The following NPC1 variants were observed in gnomAD, a reference collection of about 807,000 sequenced individuals.
NPC1 encodes the protein NPC intracellular cholesterol transporter 1.
In NPC1, 85 loss-of-function variants were observed where a neutral mutation model predicts 140.4. The ratio of observed to expected loss-of-function variants is 0.61; its 90% confidence interval spans 0.51 to 0.72. The LOEUF is 0.72. Among genes scored for constraint, NPC1 ranks in the 30% least tolerant of loss-of-function variants. The pLI is 0.00. For missense variants in NPC1, 1,504 were observed against 1,623.8 expected (o/e 0.93, Z 1.27); for synonymous variants, 656 against 624.8 (o/e 1.05, Z -0.74).
In NPC1 at chr18:23,531,995, C is replaced by T. The variant is rs2058526234; in HGVS notation, c.*207G>A. 6.8e-7 allele frequency: 1 copy of T among 1,475,464 alleles called. No homozygotes were observed. Among genetic ancestry groups the T allele is most frequent in the South Asian group, 1.4e-5 (1 of 71,960 alleles). The allele number at this position is 1,475,464 out of a possible 1,614,324, so 91.4% of individuals were successfully genotyped here. A position where few individuals can be genotyped will look rare whatever the true frequency, so the allele number is the denominator to read the frequency against. ...GAAGAGGCTGGGAGAAGTTTAGTGTCCTGTGGTTGCCTCCAGATCTAGTAA... is the reference window on the plus strand; with the variant it reads ...GAAGAGGCTGGGAGAAGTTTAGTGTTCTGTGGTTGCCTCCAGATCTAGTAA... On this transcript the variant is annotated 3_prime_UTR_variant, in exon 25 of 25. Coordinates refer to ENST00000269228, the MANE Select transcript of NPC1 (RefSeq NM_000271.5).
At chr18:23,538,172 C>T (rs1035072215) in intron 20 of NPC1, among the ~76,000 whole-genome samples, 2 of 152,128 alleles carry the variant, frequency 1.3e-5, no homozygotes, top group African/African-American at 2.4e-5. Flanking sequence ...GCTAAGATCA[C>T]GCCCCAGCTG....
chr18:23,564,937 CTTT>C (rs1387483265), intron 4 of NPC1, among the ~76,000 whole-genome samples: 1 of 152,120 alleles, frequency 6.6e-6, no homozygotes, highest in Admixed American at 6.5e-5. Flanking sequence ...GAAGAGTATT[CTTT>C]TCTCATTGAA....
intron 4 of NPC1, 27 bp from the exon 5 acceptor site, chr18:23,561,554 G>A (rs768990017): frequency 1.2e-6 from 2 of 1,612,264 alleles, no homozygotes; most frequent in Admixed American, 3.3e-5. Context: ...AAAGGAAAAA[G>A]GAGACAAGAT....
At chr18:23,582,106 T>G (rs1322377906) in intron 1 of NPC1, 1 of 152,216 alleles carries the variant, frequency 6.6e-6, no homozygotes, top group East Asian at 1.9e-4. Flanking sequence ...GATAACACAC[T>G]ACCTTAGGAC....
chr18:23,569,201 GC>G (rs1231827547), intron 3 of NPC1, among the ~76,000 whole-genome samples: 2 of 152,282 alleles, frequency 1.3e-5, no homozygotes, highest in East Asian at 3.9e-4. Flanking sequence ...ATTACTTTCT[GC>G]ATTTATTGTG....
chr18:23,572,247 G>T, intron 2 of NPC1, 67 bp from the exon 3 acceptor site: 2 of 1,007,912 alleles, frequency 2.0e-6, no homozygotes, highest in South Asian at 2.6e-5. Flanking sequence ...ATTCCTCAGT[G>T]AACTAAGACA....
downstream of NPC1, chr18:23,530,577 AC>A: frequency 6.2e-7 from 1 of 1,614,100 alleles, no homozygotes; most frequent in Non-Finnish European, 8.5e-7. Context: ...GAACAGCGAA[AC>A]CAGCGTTTGC....
In NPC1 at chr18:23,566,592, AT is replaced by A. The variant is rs200890623; in HGVS notation, c.463+2230del. On this transcript the variant is annotated intron_variant, in intron 4 of 24. Coordinates refer to ENST00000269228, the MANE Select transcript of NPC1 (RefSeq NM_000271.5). Reference sequence around the variant, plus strand: ...AGGCCCGTCTCTTCCAAAAAATAAAATACTTACACACACACACACACTCTAT... The same window carrying A: ...AGGCCCGTCTCTTCCAAAAAATAAAAACTTACACACACACACACACTCTAT... Among the ~76,000 whole-genome samples, 407 of 150,520 alleles carry A rather than the reference AT, an allele frequency of 2.7e-3. 3 individuals are homozygous for A. The highest frequency in any genetic ancestry group is 4.6e-3 in the Non-Finnish European group (310 of 67,448).
chr18:23,543,788 G>A (rs990870538), intron 13 of NPC1, among the ~76,000 whole-genome samples: 3 of 152,096 alleles, frequency 2.0e-5, no homozygotes, highest in Non-Finnish European at 4.4e-5. Context: ...GGAAAGCTGA[G>A]CCAGCCACAT....
At position 23,516,529 on chromosome 18, in the gene NPC1, C is replaced by T. The variant is rs2058010167; in HGVS notation, c.432-9887G>A. On this transcript the variant is annotated intron_variant, in intron 3 of 3. Coordinates refer to the NPC1 transcript ENST00000591107. Reference sequence around the variant, plus strand: ...ACGTGATGCCCTGACCCCTAGAACACATAAGGAGGACTCCCCTTGTTCTGG... The same window carrying T: ...ACGTGATGCCCTGACCCCTAGAACATATAAGGAGGACTCCCCTTGTTCTGG... The T allele has an allele frequency of 3.6e-6, 4 of 1,125,892 alleles. No homozygotes were observed. In the Admixed American group the frequency reaches 5.9e-5, roughly 17 times the overall value. The allele number at this position is 1,125,892 out of a possible 1,614,324, so 69.7% of individuals were successfully genotyped here. A position where few individuals can be genotyped will look rare whatever the true frequency, so the allele number is the denominator to read the frequency against.
intron 20 of NPC1, among the ~76,000 whole-genome samples, chr18:23,537,464 T>C (rs2058649093): frequency 6.6e-6 from 1 of 152,156 alleles, no homozygotes; most frequent in Non-Finnish European, 1.5e-5. Flanking sequence ...AGGTACAGGG[T>C]TTACTCAGTC....
chr18:23,507,791 C>T (rs989006205), intron 3 of NPC1, among the ~76,000 whole-genome samples: 2 of 152,172 alleles, frequency 1.3e-5, no homozygotes, highest in Non-Finnish European at 2.9e-5. Flanking sequence ...AAAATTGAAT[C>T]GTAAGCCTGC....
intron 5 of NPC1, 68 bp from the exon 6 acceptor site, chr18:23,560,548 A>C: frequency 6.6e-7 from 1 of 1,525,320 alleles, no homozygotes; most frequent in Non-Finnish European, 9.0e-7. Context: ...ATTATACTTA[A>C]ACTCAAAGAA....
intron 6 of NPC1, 93 bp from the exon 7 acceptor site, chr18:23,557,283 TC>T: frequency 1.1e-6 from 1 of 941,344 alleles, no homozygotes; most frequent in Non-Finnish European, 1.7e-6. Flanking sequence ...AATGCTTTCT[TC>T]CTCCTCCTGG....
At position 23,531,902 on chromosome 18, in the gene NPC1, G is replaced by A. The variant is rs2058523908; in HGVS notation, c.*300C>T. 2 of 1,442,614 alleles carry A rather than the reference G, an allele frequency of 1.4e-6. No homozygotes were observed. The highest frequency in any genetic ancestry group is 2.9e-5 in the African/African-American group (2 of 69,536). The allele number at this position is 1,442,614 out of a possible 1,614,324, so 89.4% of individuals were successfully genotyped here. ...ATTGATTGGCCTTTACAGAGTGTCAGTGAGCGGATCACATTCACAGCCATC... is the reference window on the plus strand; with the variant it reads ...ATTGATTGGCCTTTACAGAGTGTCAATGAGCGGATCACATTCACAGCCATC... On this transcript the variant is annotated 3_prime_UTR_variant, in exon 25 of 25. Coordinates refer to ENST00000269228, the MANE Select transcript of NPC1 (RefSeq NM_000271.5).
At chr18:23,556,807 T>C (rs2058960070) in intron 7 of NPC1, 194 bp from the exon 8 acceptor site, 1 of 827,856 alleles carries the variant, frequency 1.2e-6, no homozygotes, top group Admixed American at 2.1e-5. Flanking sequence ...ATGAGCGCTA[T>C]TCCCACCCCA....
intron 1 of NPC1, among the ~76,000 whole-genome samples, chr18:23,580,851 T>C (rs1056508774): frequency 1.3e-5 from 2 of 152,208 alleles, no homozygotes; most frequent in African/African-American, 2.4e-5. Context: ...CAAACAAATA[T>C]GGCAGGGCAT....
At chr18:23,537,885 C>A (rs2058655447) in intron 20 of NPC1, among the ~76,000 whole-genome samples, 1 of 152,168 alleles carries the variant, frequency 6.6e-6, no homozygotes, top group South Asian at 2.1e-4. Flanking sequence ...TGATATGACT[C>A]TGGTCAGATG....
intron 20 of NPC1, 142 bp downstream of exon 20, chr18:23,538,400 C>T (rs2058663955): frequency 9.5e-7 from 1 of 1,057,768 alleles, no homozygotes; most frequent in African/African-American, 1.6e-5. Context: ...TTTCGGTTTT[C>T]CTGCTTCCAC....
Sources: gnomAD v4.1 joint callset for allele counts (sites outside exome capture counted in the v4.1 genomes callset) on GRCh38, gnomAD v4.1.1 for gene constraint, MANE v1.5 for transcripts, NCBI Gene and HGNC (gene_info 2026-07-23, HGNC 2026-07-21) for gene names.